Variants in L3HYPDH observed in about 807,000 individuals in gnomAD.
L3HYPDH encodes trans-L-3-hydroxyproline dehydratase, also known as trans-3-hydroxy-L-proline dehydratase.
Under a neutral mutation model 26.5 loss-of-function variants are expected in L3HYPDH, and 32 were observed. That is an observed-to-expected ratio of 1.21 (90% CI 0.91 to 1.62). The LOEUF is 1.62. Ranked by LOEUF, L3HYPDH falls within the 40% of genes most tolerant of loss-of-function variation. L3HYPDH has a pLI of 0.00. For missense variants in L3HYPDH, 554 were observed against 476.4 expected, an observed-to-expected ratio of 1.16 and a Z score of -1.52; for synonymous variants, 215 against 196.6, an observed-to-expected ratio of 1.09 and a Z score of -0.78.
intron 2 of L3HYPDH, among the ~76,000 whole-genome samples, chr14:59,478,259 T>C (rs947986952): frequency 9.9e-5 from 15 of 152,168 alleles, no homozygotes; most frequent in African/African-American, 3.6e-4. Context: ...TATTAGTATG[T>C]ATGTATTATT....
At chr14:59,489,459 C>T in the L3HYPDH span, among the ~76,000 whole-genome samples, 2 of 152,350 alleles carry the variant, frequency 1.3e-5, no homozygotes, top group East Asian at 3.9e-4. Flanking sequence ...ACCTCATCAG[C>T]CTGGCCTTCA....
At chr14:59,491,555 T>G in the L3HYPDH span, among the ~76,000 whole-genome samples, 1 of 152,236 alleles carries the variant, frequency 6.6e-6, no homozygotes, top group Non-Finnish European at 1.5e-5. Flanking sequence ...GTGTTTATGT[T>G]TTCAGTGTTT....
the L3HYPDH span, among the ~76,000 whole-genome samples, chr14:59,493,256 A>G: frequency 0.062 from 9,466 of 152,270 alleles, 392 homozygotes; most frequent in Middle Eastern, 0.11. Flanking sequence ...CTGAAAACAA[A>G]AGAGAAGCCA....
chr14:59,501,548 T>C, the L3HYPDH span, among the ~76,000 whole-genome samples: 1 of 152,330 alleles, frequency 6.6e-6, no homozygotes, highest in South Asian at 2.1e-4. Flanking sequence ...AGCAAACATA[T>C]AATTATTGAA....
upstream of L3HYPDH, among the ~76,000 whole-genome samples, chr14:59,486,263 G>A (rs993063014): frequency 3.3e-5 from 5 of 152,222 alleles, no homozygotes; most frequent in Non-Finnish European, 5.9e-5. Context: ...ATGTGAAAAT[G>A]TGTTCTGTTA....
chr14:59,485,197 G>A (rs1814400844), upstream of L3HYPDH: 7 of 1,459,312 alleles, frequency 4.8e-6, no homozygotes, highest in Non-Finnish European at 5.6e-6. Flanking sequence ...TTAGATTATT[G>A]ATATTCACGT....
At chr14:59,469,790 G>A (rs559057337), downstream of L3HYPDH, among the ~76,000 whole-genome samples, 1 of 152,172 alleles carries the variant, frequency 6.6e-6, no homozygotes, top group African/African-American at 2.4e-5. Flanking sequence ...AAATGATCTT[G>A]GTTGTCCTCT....
intron 1 of L3HYPDH, among the ~76,000 whole-genome samples, chr14:59,481,153 T>A (rs10144789): frequency 2.8e-4 from 43 of 152,306 alleles, no homozygotes; most frequent in African/African-American, 1.0e-3. Flanking sequence ...CCTCACTGAG[T>A]TTCAGTTTCC....
rs577270832 is a variant in L3HYPDH at position 59,465,637 on chromosome 14, A to C, written n.31-4464T>G. Reference sequence around the variant, plus strand: ...ACTCTTGCTCTCTTTTGTAGGGTACAAATGTTCTACAGGCAGGCCTTTTGG... The same window carrying C: ...ACTCTTGCTCTCTTTTGTAGGGTACCAATGTTCTACAGGCAGGCCTTTTGG... On this transcript the variant is annotated intron_variant and non_coding_transcript_variant, in intron 1 of 2. Coordinates refer to the L3HYPDH transcript ENST00000466522. 5.3e-5 allele frequency among the ~76,000 whole-genome samples: 8 copies of C among 152,300 alleles called. No homozygotes were observed. The East Asian group carries it at 1.5e-3, about 29-fold the overall frequency.
chr14:59,493,619 C>G, the L3HYPDH span, among the ~76,000 whole-genome samples: 1 of 152,162 alleles, frequency 6.6e-6, no homozygotes, highest in African/African-American at 2.4e-5. Context: ...AAAAGGTTGA[C>G]TATAAGATAA....
In L3HYPDH at chr14:59,483,877, G is replaced by T; in HGVS notation, c.440C>A (p.Ala147Glu). ...TCCGTGGCTGCGGCCGTCCTCGCAT[G>T]CCACGAAGGCGGTCACCAGCCCGCA... The part of the protein sequence containing the change: ...CPCGLVTAFV[A>E]CEDGRSHGPV... Residue 147 changes from alanine to glutamate, a missense_variant, in exon 1 of 5, where the codon GCA becomes GAA. Transcript: ENST00000247194. 2 of 1,576,338 alleles carry T rather than the reference G, an allele frequency of 1.3e-6. No homozygotes were observed. Among genetic ancestry groups the T allele is most frequent in the Non-Finnish European group, 1.7e-6 (2 of 1,168,282 alleles).
intron 2 of L3HYPDH, among the ~76,000 whole-genome samples, chr14:59,477,161 A>G (rs1299696143): frequency 6.6e-6 from 1 of 152,164 alleles, no homozygotes; most frequent in African/African-American, 2.4e-5. Context: ...ATTCCAACAT[A>G]ACACTGTTCA....
chr14:59,495,625 G>T, the L3HYPDH span, among the ~76,000 whole-genome samples: 1 of 152,058 alleles, frequency 6.6e-6, no homozygotes, highest in East Asian at 1.9e-4. Flanking sequence ...AATTATGCCA[G>T]ACTATTCCAG....
chr14:59,471,225 C>T (rs1027583628), downstream of L3HYPDH, among the ~76,000 whole-genome samples: 10 of 152,262 alleles, frequency 6.6e-5, no homozygotes, highest in Non-Finnish European at 1.3e-4. Flanking sequence ...TTTAGGAAGA[C>T]TTAGGTAATA....
downstream of L3HYPDH, among the ~76,000 whole-genome samples, chr14:59,468,529 C>T (rs1327342287): frequency 2.0e-5 from 3 of 152,142 alleles, no homozygotes; most frequent in Non-Finnish European, 4.4e-5. Flanking sequence ...TGACTGATAC[C>T]GTCCTTTCCC....
chr14:59,498,983 G>T, the L3HYPDH span: 4 of 583,130 alleles, frequency 6.9e-6, no homozygotes, highest in African/African-American at 4.1e-5. Context: ...ATTTAATTTT[G>T]GAGATTTTTC....
chr14:59,481,800 A>G (rs1462536072), intron 1 of L3HYPDH, among the ~76,000 whole-genome samples: 1 of 152,240 alleles, frequency 6.6e-6, no homozygotes, highest in Non-Finnish European at 1.5e-5. Flanking sequence ...GCAATATGAT[A>G]GGCCAGGGTT....
At chr14:59,501,149 AT>A in the L3HYPDH span, 1 of 1,236,902 alleles carries the variant, frequency 8.1e-7, no homozygotes, top group African/African-American at 1.5e-5. Context: ...TATTGAGAAA[AT>A]TTGTTTCATT....
downstream of L3HYPDH, among the ~76,000 whole-genome samples, chr14:59,469,321 A>G (rs530025062): frequency 3.9e-5 from 6 of 152,132 alleles, no homozygotes; most frequent in Admixed American, 2.0e-4. Context: ...TTGGGAGGCC[A>G]AGGTGGGTGA....
Sources: allele counts gnomAD v4.1 joint callset (sites outside exome capture counted in the v4.1 genomes callset), GRCh38; gene constraint gnomAD v4.1.1; transcripts MANE v1.5; gene names NCBI Gene and HGNC (gene_info 2026-07-23, HGNC 2026-07-21).